The following LURAP1L variants were observed in gnomAD, a reference collection of about 807,000 sequenced individuals.
The protein encoded by LURAP1L is leucine rich adaptor protein 1 like, also known as leucine rich adaptor protein 1-like.
A neutral mutation model predicts 13.8 loss-of-function variants in LURAP1L; 12 were observed. The observed-to-expected ratio is 0.87, with a 90% CI of 0.56 to 1.41. The LOEUF is 1.41. Among genes scored for constraint, LURAP1L ranks in the 40% most tolerant of loss-of-function variants. LURAP1L has a pLI of 0.00. For missense variants in LURAP1L, 375 were observed against 292.9 expected (o/e 1.28, Z -2.04); for synonymous variants, 139 against 119.2 (o/e 1.17, Z -1.08).
At chr9:12,807,094 A>AATATATATATATATATATATATAT (rs71329889) in intron 1 of LURAP1L, among the ~76,000 whole-genome samples, 116 of 116,084 alleles carry the variant, frequency 1.0e-3, no homozygotes, top group Admixed American at 2.9e-3. Flanking sequence ...TCTCTACTAA[A>AATATATATATATATATATATATAT]ATATATATAT....
intron 1 of LURAP1L, chr9:12,777,233 C>T: frequency 2.0e-6 from 2 of 985,160 alleles, no homozygotes; most frequent in Non-Finnish European, 2.4e-6. Flanking sequence ...CCCTTAGGTA[C>T]ATAATGGAGA....
chr9:12,818,348 C>T (rs561029739), intron 1 of LURAP1L, among the ~76,000 whole-genome samples: 10 of 152,242 alleles, frequency 6.6e-5, no homozygotes, highest in Admixed American at 2.0e-4. Flanking sequence ...TTGTTAGGAA[C>T]GTGTATTACT....
At chr9:12,788,068 C>T (rs762577437) in intron 1 of LURAP1L, among the ~76,000 whole-genome samples, 4 of 150,484 alleles carry the variant, frequency 2.7e-5, no homozygotes, top group African/African-American at 4.9e-5. Context: ...ACCAACGTGG[C>T]ACCAATGCTT....
At chr9:12,798,447 G>A (rs1018935723) in intron 1 of LURAP1L, among the ~76,000 whole-genome samples, 3 of 152,174 alleles carry the variant, frequency 2.0e-5, no homozygotes, top group Non-Finnish European at 2.9e-5. Context: ...AGGACAATTA[G>A]GAGTCAATTA....
chr9:12,810,453 C>A (rs1323856357), intron 1 of LURAP1L, among the ~76,000 whole-genome samples: 3 of 152,140 alleles, frequency 2.0e-5, no homozygotes, highest in Admixed American at 6.5e-5. Context: ...TTGTTGATTT[C>A]CAGTTTGTTC....
At position 12,792,970 on chromosome 9, in the gene LURAP1L, A is replaced by T. The variant is rs1819462949; in HGVS notation, c.312+16943A>T. On this transcript the variant is annotated intron_variant, in intron 1 of 1. Transcript: ENST00000319264. ...GGAATAATTATGTGAGAAGAAACTT[A>T]GAATAACTAAGAGATTTATGGTCTC... Among the ~76,000 whole-genome samples, 6 of 152,188 alleles carry T rather than the reference A, an allele frequency of 3.9e-5. No individual in the cohort carries two copies. The South Asian group carries it at 1.0e-3, about 26-fold the overall frequency.
At chr9:12,793,297 C>G (rs551353575) in intron 1 of LURAP1L, among the ~76,000 whole-genome samples, 3 of 151,930 alleles carry the variant, frequency 2.0e-5, no homozygotes, top group South Asian at 2.1e-4. Flanking sequence ...TTTTCTATAC[C>G]AATATGTTTA....
At position 12,775,771 on chromosome 9, in the gene LURAP1L, A is replaced by G. The variant is rs149696691; in HGVS notation, c.56A>G (p.Lys19Arg). 6.2e-7 allele frequency: 1 copy of G among 1,607,570 alleles called. No homozygotes were observed. The highest frequency in any genetic ancestry group is 1.7e-5 in the Admixed American group (1 of 57,782). ...LRDIELKLGR[K>R]VPESLVRSLR... Reference sequence around the variant, plus strand: ...GACATCGAGCTGAAGCTGGGGCGCAAAGTACCCGAGAGTCTAGTGCGCTCT... The same window carrying G: ...GACATCGAGCTGAAGCTGGGGCGCAGAGTACCCGAGAGTCTAGTGCGCTCT... Residue 19 changes from lysine to arginine, a missense_variant, in exon 1 of 2, where the codon AAA becomes AGA. Coordinates refer to ENST00000319264, the MANE Select transcript of LURAP1L (RefSeq NM_203403.2).
At chr9:12,810,561 G>A (rs1428794615) in intron 1 of LURAP1L, among the ~76,000 whole-genome samples, 2 of 152,050 alleles carry the variant, frequency 1.3e-5, no homozygotes, top group Non-Finnish European at 1.5e-5. Context: ...CTTATTCACC[G>A]ATTTGTTTTA....
chr9:12,816,116 C>T (rs141269925), intron 1 of LURAP1L, among the ~76,000 whole-genome samples: 6 of 152,116 alleles, frequency 3.9e-5, no homozygotes, highest in Non-Finnish European at 8.8e-5. Flanking sequence ...GAGAATATGT[C>T]GAAATGGAAG....
intron 1 of LURAP1L, 73 bp downstream of exon 1, chr9:12,776,100 G>T (rs1259048518): frequency 6.8e-6 from 10 of 1,464,102 alleles, no homozygotes; most frequent in Non-Finnish European, 9.5e-6. Flanking sequence ...TGAGAATGGG[G>T]CTGGGAGAGA....
Position 12,822,179 on chromosome 9 carries a change from G to T in LURAP1L, c.*419G>T. 1 of 164,332 alleles carries T rather than the reference G, an allele frequency of 6.1e-6. No homozygotes were observed. Among genetic ancestry groups the T allele is most frequent in the Non-Finnish European group, 1.3e-5 (1 of 74,700 alleles). 10.2% of individuals were successfully genotyped at this position (164,332 alleles called of 1,614,324 possible). ...TGACTTAAGGTTTCATCTTCCAGAA[G>T]ATATTGAGATATATTACTGTTTGCA... is the stretch of plus-strand genomic sequence containing the variant. On this transcript the variant is annotated 3_prime_UTR_variant, in exon 2 of 2. Transcript: ENST00000319264.
chr9:12,817,867 T>G (rs2118551229), intron 1 of LURAP1L, among the ~76,000 whole-genome samples: 1 of 152,260 alleles, frequency 6.6e-6, no homozygotes, highest in Non-Finnish European at 1.5e-5. Flanking sequence ...ACCTTGGTGC[T>G]TGGAGAAAGC....
At position 12,786,581 on chromosome 9, in the gene LURAP1L, T is replaced by TAAAC. The variant is rs1554657266; in HGVS notation, c.312+10555_312+10558dup. Among the ~76,000 whole-genome samples, 288 of 121,198 alleles carry TAAAC rather than the reference T, an allele frequency of 2.4e-3. 1 individual carries two copies. Among genetic ancestry groups the TAAAC allele is most frequent in the Non-Finnish European group, 3.9e-3 (216 of 55,032 alleles). The allele number at this position is 121,198 out of a possible 152,430, so 79.5% of individuals were successfully genotyped here. On this transcript the variant is annotated intron_variant, in intron 1 of 1. Coordinates refer to ENST00000319264, the MANE Select transcript of LURAP1L (RefSeq NM_203403.2). ...ATATATATATATATATATATATATA[T>TAAAC]AAACCCTTGTGCCTTAAGTCTGTAT...
intron 1 of LURAP1L, among the ~76,000 whole-genome samples, chr9:12,778,785 T>C (rs72702666): frequency 0.03 from 4,623 of 152,338 alleles, 75 homozygotes; most frequent in African/African-American, 0.036. Flanking sequence ...ATGCTGCTGA[T>C]TGAAGTAGCA....
chr9:12,795,225 A>G (rs1287818143), intron 1 of LURAP1L, among the ~76,000 whole-genome samples: 1 of 151,648 alleles, frequency 6.6e-6, no homozygotes, highest in Non-Finnish European at 1.5e-5. Flanking sequence ...TATTTCCTAC[A>G]CTTTTTGTAG....
chr9:12,776,687 C>G (rs1819190198), intron 1 of LURAP1L, among the ~76,000 whole-genome samples: 1 of 152,114 alleles, frequency 6.6e-6, no homozygotes, highest in Non-Finnish European at 1.5e-5. Context: ...TCCCAGGGAG[C>G]AGGTGATCCC....
intron 1 of LURAP1L, among the ~76,000 whole-genome samples, chr9:12,803,884 A>G (rs934384050): frequency 1.3e-5 from 2 of 152,234 alleles, no homozygotes; most frequent in Non-Finnish European, 2.9e-5. Flanking sequence ...TGTGGAAAAT[A>G]AAATGTAAAC....
At chr9:12,806,897 A>C (rs1302482935) in intron 1 of LURAP1L, among the ~76,000 whole-genome samples, 2 of 151,180 alleles carry the variant, frequency 1.3e-5, no homozygotes, top group Admixed American at 6.6e-5. Flanking sequence ...CCCCTCAGTT[A>C]GTTCTTTTGC....
Sources: allele counts gnomAD v4.1 joint callset (sites outside exome capture counted in the v4.1 genomes callset), GRCh38; gene constraint gnomAD v4.1.1; transcripts MANE v1.5; gene names NCBI Gene and HGNC (gene_info 2026-07-23, HGNC 2026-07-21).